Variants in ALPK2 observed in about 807,000 individuals in gnomAD.
ALPK2 encodes the protein alpha kinase 2, also known as alpha-protein kinase 2.
Under a neutral mutation model 163.1 loss-of-function variants are expected in ALPK2, and 127 were observed. The observed-to-expected ratio is 0.78, with a 90% CI of 0.67 to 0.90. ALPK2 has a LOEUF of 0.90. Ranked by LOEUF, ALPK2 falls within the 40% of genes least tolerant of loss-of-function variation. ALPK2 has a pLI of 0.00. For missense variants in ALPK2, 2,360 were observed against 2,589.6 expected, an observed-to-expected ratio of 0.91 and a Z score of 1.92; for synonymous variants, 953 against 959.1, an observed-to-expected ratio of 0.99 and a Z score of 0.12.
At chr18:58,622,671 T>C (rs73447280) in intron 1 of ALPK2, among the ~76,000 whole-genome samples, 3,791 of 152,288 alleles carry the variant, frequency 0.025, 145 homozygotes, top group African/African-American at 0.087. Flanking sequence ...GGTTTGAAGT[T>C]GAATGTCATG....
chr18:58,583,091 C>T (rs1048464444), intron 3 of ALPK2, among the ~76,000 whole-genome samples: 16 of 152,146 alleles, frequency 1.1e-4, no homozygotes, highest in African/African-American at 3.9e-4. Flanking sequence ...TGCAGATTTC[C>T]TCCCACAAGA....
chr18:58,489,224 G>C (rs2051358294), intron 12 of ALPK2, among the ~76,000 whole-genome samples: 1 of 152,204 alleles, frequency 6.6e-6, no homozygotes, highest in South Asian at 2.1e-4. Flanking sequence ...CAGAGCAGGT[G>C]TTCTGAGGGG....
Position 58,529,107 on chromosome 18 carries a change from C to A in ALPK2, c.5485G>T (p.Ala1829Ser), listed in dbSNP as rs763973958. Residue 1829 changes from alanine (A) to serine (S), a missense_variant, in exon 6 of 13, where the codon GCC becomes TCC. By Grantham distance (99) the Ala-to-Ser change is moderately conservative. Transcript: ENST00000361673. Reference sequence around the variant, plus strand: ...ACATCGCACCTTCTCTGCACTTGGGCTATGGACTTTGAATCTTTTGTCCAG... The same window carrying A: ...ACATCGCACCTTCTCTGCACTTGGGATATGGACTTTGAATCTTTTGTCCAG... The part of the protein sequence containing the change: ...ICWTKDSKSI[A>S]QVQRSAGDNS... 6 of 1,614,082 alleles carry A rather than the reference C, an allele frequency of 3.7e-6. No homozygotes were observed. In the South Asian group the frequency reaches 4.4e-5, roughly 12 times the overall value.
chr18:58,545,526 G>C (rs1279034739), intron 4 of ALPK2, among the ~76,000 whole-genome samples: 1 of 152,156 alleles, frequency 6.6e-6, no homozygotes. Flanking sequence ...AGTAGAGTGG[G>C]GGAGGGAGAA....
In ALPK2 at chr18:58,524,006, TG is replaced by T. The variant is rs779031403; in HGVS notation, c.5557del (p.Gln1853ArgfsTer15). 4.8e-5 allele frequency: 77 copies of T among 1,614,036 alleles called. No homozygotes were observed. Among genetic ancestry groups the T allele is most frequent in the Non-Finnish European group, 5.9e-5 (70 of 1,180,008 alleles). On this transcript the variant is annotated frameshift_variant, in exon 7 of 13. Coordinates refer to ENST00000361673, the MANE Select transcript of ALPK2 (RefSeq NM_052947.4). Reference sequence around the variant, plus strand: ...CTTGATGCAGCAGTAATAGAGTCCCTGGTCCTTCGGACTGGCTTGCACGATG... The same window carrying T: ...CTTGATGCAGCAGTAATAGAGTCCCTGTCCTTCGGACTGGCTTGCACGATG... ...FAIVQASPKDQGLYYCCIKNS... is the reference protein window; with the variant it reads ...FAIVQASPKDXGLYYCCIKNS...
At chr18:58,590,946 A>T (rs886793130) in intron 3 of ALPK2, among the ~76,000 whole-genome samples, 1 of 152,172 alleles carries the variant, frequency 6.6e-6, no homozygotes, top group Non-Finnish European at 1.5e-5. Context: ...CCCGGCTCCC[A>T]TGACTGCTGG....
At chr18:58,599,957 C>T (rs999831010) in intron 3 of ALPK2, among the ~76,000 whole-genome samples, 14 of 147,536 alleles carry the variant, frequency 9.5e-5, no homozygotes, top group African/African-American at 3.0e-4. Flanking sequence ...TCTTTGTAAG[C>T]GAAGTTGATG....
intron 6 of ALPK2, among the ~76,000 whole-genome samples, chr18:58,526,388 T>C (rs1480045423): frequency 6.6e-6 from 1 of 152,176 alleles, no homozygotes; most frequent in African/African-American, 2.4e-5. Context: ...TGAGAAGTCC[T>C]CGGGTTGTTT....
At chr18:58,541,105 C>G (rs2051687395) in intron 4 of ALPK2, among the ~76,000 whole-genome samples, 1 of 152,212 alleles carries the variant, frequency 6.6e-6, no homozygotes, top group African/African-American at 2.4e-5. Context: ...TCTTGCACTG[C>G]TATAAATACC....
At chr18:58,567,325 AGT>A (rs1296402403) in intron 4 of ALPK2, among the ~76,000 whole-genome samples, 31 of 152,184 alleles carry the variant, frequency 2.0e-4, no homozygotes, top group African/African-American at 7.2e-4. Context: ...CGGAGGTTGC[AGT>A]GAGCCGAGAT....
At chr18:58,531,650 A>AC (rs2051615226) in intron 5 of ALPK2, among the ~76,000 whole-genome samples, 1 of 113,140 alleles carries the variant, frequency 8.8e-6, no homozygotes, top group Admixed American at 9.5e-5. Context: ...GATAAGTTGA[A>AC]AAAAAAAAAA....
At chr18:58,549,667 T>C (rs1270096686) in intron 4 of ALPK2, among the ~76,000 whole-genome samples, 1 of 152,240 alleles carries the variant, frequency 6.6e-6, no homozygotes, top group Non-Finnish European at 1.5e-5. Flanking sequence ...GTCTTCCTCA[T>C]GGGCCCCCAA....
At chr18:58,543,332 A>T (rs1009737395) in intron 4 of ALPK2, 2 of 984,522 alleles carry the variant, frequency 2.0e-6, no homozygotes, top group African/African-American at 1.7e-5. Context: ...AAGAAAACGG[A>T]CTAAGTCACA....
At chr18:58,583,036 TG>T (rs547018891) in intron 3 of ALPK2, among the ~76,000 whole-genome samples, 7 of 152,320 alleles carry the variant, frequency 4.6e-5, no homozygotes, top group African/African-American at 1.7e-4. Context: ...GATTCTCTCC[TG>T]AATCGGGAAA....
chr18:58,612,888 C>T (rs1251917148), intron 1 of ALPK2, among the ~76,000 whole-genome samples: 1 of 152,128 alleles, frequency 6.6e-6, no homozygotes, highest in African/African-American at 2.4e-5. Flanking sequence ...CACCACAGAG[C>T]TCGGACAAAG....
At chr18:58,607,488 G>GAAAAA in intron 2 of ALPK2, 49 bp from the exon 3 acceptor site, 1 of 904,158 alleles carries the variant, frequency 1.1e-6, no homozygotes, top group Non-Finnish European at 1.5e-6. Context: ...GTATTTTTAG[G>GAAAAA]AAAAAAAAAA....
At chr18:58,504,465 C>G (rs1326621221) in intron 10 of ALPK2, among the ~76,000 whole-genome samples, 2 of 151,548 alleles carry the variant, frequency 1.3e-5, no homozygotes, top group East Asian at 2.0e-4. Flanking sequence ...CATCTACTCA[C>G]CCACCCATCC....
At chr18:58,533,893 C>T (rs1481270556) in intron 5 of ALPK2, among the ~76,000 whole-genome samples, 3 of 152,172 alleles carry the variant, frequency 2.0e-5, no homozygotes, top group Non-Finnish European at 2.9e-5. Flanking sequence ...GAATAACAAA[C>T]GCCAGCCTCA....
chr18:58,576,277 G>A (rs1009062881), intron 4 of ALPK2, among the ~76,000 whole-genome samples: 2 of 152,158 alleles, frequency 1.3e-5, no homozygotes, highest in Non-Finnish European at 2.9e-5. Context: ...AGGAGGCTGA[G>A]GCAGGAGAAT....
Sources: allele counts gnomAD v4.1 joint callset (sites outside exome capture counted in the v4.1 genomes callset), GRCh38; gene constraint gnomAD v4.1.1; transcripts MANE v1.5; gene names NCBI Gene and HGNC (gene_info 2026-07-23, HGNC 2026-07-21).